SYT1: variants seen among roughly 807,000 people sequenced by gnomAD.
SYT1 encodes synaptotagmin 1.
In SYT1, 8 loss-of-function variants were observed where a neutral mutation model predicts 44.8. The observed-to-expected ratio is 0.18, with a 90% CI of 0.10 to 0.32. SYT1 has a LOEUF of 0.32. Ranked by LOEUF, SYT1 falls within the 10% of genes least tolerant of loss-of-function variation. SYT1 has a pLI of 1.00. For missense variants in SYT1, 286 were observed against 509.3 expected (o/e 0.56, Z 4.22); for synonymous variants, 154 against 188.8 (o/e 0.82, Z 1.51).
chr12:79,030,192 G>A (rs1872747938), intron 2 of SYT1, among the ~76,000 whole-genome samples: 1 of 151,010 alleles, frequency 6.6e-6, no homozygotes, highest in African/African-American at 2.4e-5. Context: ...AAATTCTTGT[G>A]CTATATTAAT....
chr12:79,125,467 A>G (rs1357954540), intron 3 of SYT1, among the ~76,000 whole-genome samples: 4 of 150,774 alleles, frequency 2.7e-5, no homozygotes, highest in Non-Finnish European at 4.4e-5. Flanking sequence ...AAAAAAAAAA[A>G]TTAGCTGTGT....
At chr12:79,358,406 AT>A (rs1435714649) in intron 9 of SYT1, among the ~76,000 whole-genome samples, 1 of 152,120 alleles carries the variant, frequency 6.6e-6, no homozygotes, top group African/African-American at 2.4e-5. Context: ...ATTTAGAAAT[AT>A]TTTTTAACTT....
intron 3 of SYT1, among the ~76,000 whole-genome samples, chr12:79,050,520 A>C (rs1199021168): frequency 6.6e-6 from 1 of 152,026 alleles, no homozygotes. Flanking sequence ...CTGGATACTA[A>C]TAATAAAGAG....
intron 4 of SYT1, among the ~76,000 whole-genome samples, chr12:79,219,688 G>C (rs1261082351): frequency 6.6e-6 from 1 of 151,916 alleles, no homozygotes; most frequent in Non-Finnish European, 1.5e-5. Context: ...TTCTCTTTCT[G>C]TTTCATCGTC....
intron 9 of SYT1, among the ~76,000 whole-genome samples, chr12:79,395,774 A>G (rs1283061789): frequency 6.6e-6 from 1 of 151,070 alleles, no homozygotes; most frequent in African/African-American, 2.4e-5. Flanking sequence ...TTAGAGCATA[A>G]TAAAAGGGGG....
chr12:79,088,744 G>A (rs1302310641), intron 3 of SYT1, among the ~76,000 whole-genome samples: 1 of 112,092 alleles, frequency 8.9e-6, no homozygotes, highest in African/African-American at 3.7e-5. Context: ...GGGCCTGTGT[G>A]TGTGTGTGTG....
intron 8 of SYT1, among the ~76,000 whole-genome samples, chr12:79,299,782 C>T (rs957015562): frequency 4.6e-5 from 7 of 152,004 alleles, no homozygotes; most frequent in Non-Finnish European, 7.4e-5. Flanking sequence ...GAAACAGCAA[C>T]CCTGGACACA....
chr12:78,885,902 C>T (rs1197309890), intron 1 of SYT1, among the ~76,000 whole-genome samples: 2 of 151,868 alleles, frequency 1.3e-5, no homozygotes, highest in East Asian at 1.9e-4. Flanking sequence ...ACTTTGTTGG[C>T]CTATGATGGA....
chr12:79,230,729 G>A (rs887922001), intron 4 of SYT1, among the ~76,000 whole-genome samples: 2 of 152,018 alleles, frequency 1.3e-5, no homozygotes, highest in African/African-American at 2.4e-5. Context: ...CCAAAGCACA[G>A]GTAATACAGA....
chr12:79,139,361 G>A (rs951595109), intron 3 of SYT1, among the ~76,000 whole-genome samples: 1 of 152,288 alleles, frequency 6.6e-6, no homozygotes, highest in Admixed American at 6.5e-5. Context: ...GATGAGCACT[G>A]TCTGTTCCCT....
chr12:79,298,150 C>T (rs889517099), intron 7 of SYT1, among the ~76,000 whole-genome samples: 2 of 152,046 alleles, frequency 1.3e-5, no homozygotes, highest in African/African-American at 4.8e-5. Flanking sequence ...TCTTTGAGTA[C>T]AATCACTAGA....
intron 2 of SYT1, among the ~76,000 whole-genome samples, chr12:79,043,924 T>C (rs1052897131): frequency 5.9e-5 from 9 of 152,184 alleles, no homozygotes; most frequent in Non-Finnish European, 1.2e-4. Context: ...GGGTCGAAAA[T>C]TGTTTTCTTT....
At chr12:79,357,711 C>T (rs779315422) in intron 9 of SYT1, among the ~76,000 whole-genome samples, 31 of 152,194 alleles carry the variant, frequency 2.0e-4, no homozygotes, top group South Asian at 6.2e-4. Context: ...GACTGTTCTT[C>T]AGGAGCAAGT....
chr12:79,089,778 C>T (rs992793151), intron 3 of SYT1, among the ~76,000 whole-genome samples: 17 of 152,138 alleles, frequency 1.1e-4, no homozygotes, highest in African/African-American at 2.6e-4. Flanking sequence ...TTATCTCTTG[C>T]GTTTAATTTG....
intron 3 of SYT1, among the ~76,000 whole-genome samples, chr12:79,098,978 T>A (rs1224041159): frequency 6.6e-6 from 1 of 152,150 alleles, no homozygotes; most frequent in Non-Finnish European, 1.5e-5. Context: ...AAGGGCAAAT[T>A]GGGAAATAAT....
At chr12:79,082,688 C>T (rs540920308) in intron 3 of SYT1, among the ~76,000 whole-genome samples, 2 of 152,252 alleles carry the variant, frequency 1.3e-5, no homozygotes, top group African/African-American at 4.8e-5. Flanking sequence ...CAATCAGCTG[C>T]TAAGGCCTCC....
chr12:79,174,345 G>A (rs1176747173), intron 3 of SYT1, among the ~76,000 whole-genome samples: 1 of 152,142 alleles, frequency 6.6e-6, no homozygotes, highest in South Asian at 2.1e-4. Flanking sequence ...AGAACATGCT[G>A]TTGGTTAATA....
chr12:78,906,539 G>T (rs767297696), intron 1 of SYT1, among the ~76,000 whole-genome samples: 2 of 152,084 alleles, frequency 1.3e-5, no homozygotes, highest in Non-Finnish European at 2.9e-5. Context: ...AGGGAAAAAG[G>T]CCGTAACAGC....
chr12:79,251,049 C>A (rs1346281812), intron 4 of SYT1, among the ~76,000 whole-genome samples: 1 of 152,116 alleles, frequency 6.6e-6, no homozygotes, highest in Non-Finnish European at 1.5e-5. Flanking sequence ...AAGAAGACTG[C>A]AAAATTTCTA....
Sources: allele counts gnomAD v4.1 joint callset (sites outside exome capture counted in the v4.1 genomes callset), GRCh38; gene constraint gnomAD v4.1.1; transcripts MANE v1.5; gene names NCBI Gene and HGNC (gene_info 2026-07-23, HGNC 2026-07-21).